SPRED1: variants seen among roughly 807,000 people sequenced by gnomAD.
SPRED1 encodes sprouty-related, EVH1 domain-containing protein 1.
A neutral mutation model predicts 52.3 loss-of-function variants in SPRED1; 18 were observed. The observed-to-expected ratio is 0.34, with a 90% CI of 0.24 to 0.51. SPRED1 has a LOEUF of 0.51. Ranked by LOEUF, SPRED1 falls within the 20% of genes least tolerant of loss-of-function variation. The pLI, the probability that SPRED1 is intolerant of heterozygous loss-of-function variation, is 0.97. For synonymous variants in SPRED1, 155 were observed against 179.7 expected (o/e 0.86, Z 1.10); for missense variants, 485 against 551.0 (o/e 0.88, Z 1.20).
In SPRED1 at chr15:38,325,985, A is replaced by G. The variant is rs1217920145; in HGVS notation, c.423+1176A>G. ...TGAAAATGGAGTGCTGCTGTAACAA[A>G]TACTAAAACATGGGAATGACTTTGG... is the stretch of plus-strand genomic sequence containing the variant. On this transcript the variant is annotated intron_variant, in intron 4 of 6. Coordinates refer to ENST00000299084, the MANE Select transcript of SPRED1 (RefSeq NM_152594.3). 3.3e-5 allele frequency: 5 copies of G among 152,240 alleles called. No individual in the cohort carries two copies. In the East Asian group the frequency reaches 7.7e-4, roughly 23 times the overall value. 9.4% of individuals were successfully genotyped at this position (152,240 alleles called of 1,614,324 possible).
At chr15:38,340,967 A>G (rs1024296767) in intron 5 of SPRED1, among the ~76,000 whole-genome samples, 10 of 146,860 alleles carry the variant, frequency 6.8e-5, no homozygotes, top group African/African-American at 2.2e-4. Context: ...GTTTGGTAGA[A>G]TTCCTTAGTG....
rs530100059 is a variant in SPRED1, at chr15:38,310,163, G to A, written c.207+10616G>A. 2.9e-4 allele frequency among the ~76,000 whole-genome samples: 40 copies of A among 139,732 alleles called. 1 individual carries two copies. Among genetic ancestry groups the A allele is most frequent in the Non-Finnish European group, 3.8e-4 (24 of 63,024 alleles). The allele number at this position is 139,732 out of a possible 152,430, so 91.7% of individuals were successfully genotyped here. On this transcript the variant is annotated intron_variant, in intron 2 of 6. Transcript: ENST00000299084. ...TGTGTGTGTGTGTGTGTTTGGAGAC[G>A]AAGTTTCGCTCTTGTTGCCCATACT...
At chr15:38,269,889 G>C (rs1332745848) in intron 1 of SPRED1, among the ~76,000 whole-genome samples, 1 of 147,966 alleles carries the variant, frequency 6.8e-6, no homozygotes, top group Admixed American at 6.9e-5. Context: ...CACAAATCTG[G>C]AGCATTTCTT....
chr15:38,315,367 T>C (rs1401331431), intron 2 of SPRED1, among the ~76,000 whole-genome samples: 1 of 151,910 alleles, frequency 6.6e-6, no homozygotes, highest in Non-Finnish European at 1.5e-5. Context: ...AATTTAAAAG[T>C]ATATATTTAA....
At chr15:38,313,302 A>G (rs183399083) in intron 2 of SPRED1, among the ~76,000 whole-genome samples, 2 of 152,134 alleles carry the variant, frequency 1.3e-5, no homozygotes, top group East Asian at 3.9e-4. Flanking sequence ...ATAGCTCTTT[A>G]GTCTTCTGTA....
At chr15:38,273,136 T>C (rs1417857169) in intron 1 of SPRED1, among the ~76,000 whole-genome samples, 1 of 152,226 alleles carries the variant, frequency 6.6e-6, no homozygotes, top group African/African-American at 2.4e-5. Context: ...TAGGTTTTCT[T>C]CTACGATTCT....
intron 4 of SPRED1, among the ~76,000 whole-genome samples, chr15:38,337,972 G>A (rs924544420): frequency 8.0e-5 from 12 of 149,860 alleles, no homozygotes; most frequent in African/African-American, 2.7e-4. Context: ...AGGCCGAGGC[G>A]GGTGGATCAC....
intron 1 of SPRED1, among the ~76,000 whole-genome samples, chr15:38,262,395 A>G (rs1379175831): frequency 1.3e-5 from 2 of 152,220 alleles, no homozygotes; most frequent in Non-Finnish European, 2.9e-5. Flanking sequence ...AGTTGGTGGC[A>G]GGATGGTGAC....
At position 38,252,961 on chromosome 15, in the gene SPRED1, G is replaced by A; in HGVS notation, c.-225G>A. On this transcript the variant is annotated 5_prime_UTR_variant, in exon 1 of 7. Coordinates refer to ENST00000299084, the MANE Select transcript of SPRED1 (RefSeq NM_152594.3). The stretch of plus-strand genomic sequence containing the variant: ...GGGCACTGAGGCGGGGGAAGAGGCT[G>A]GGGTCGCCACGGCGGAGGTTGCTGC... The A allele has an allele frequency of 1.7e-6, 1 of 598,440 alleles. No homozygotes were observed. The highest frequency in any genetic ancestry group is 3.0e-6 in the Non-Finnish European group (1 of 337,382). 37.1% of individuals were successfully genotyped at this position (598,440 alleles called of 1,614,324 possible). A position where few individuals can be genotyped will look rare whatever the true frequency, so the allele number is the denominator to read the frequency against.
chr15:38,340,688 A>G (rs562479280), intron 5 of SPRED1, among the ~76,000 whole-genome samples: 2 of 152,102 alleles, frequency 1.3e-5, no homozygotes, highest in East Asian at 3.9e-4. Flanking sequence ...ACCTGCCACC[A>G]CACGTGGCTA....
rs1894013651 is a variant in SPRED1, at chr15:38,253,091, C to G, written c.-95C>G. The G allele has an allele frequency of 1.1e-5, 12 of 1,138,512 alleles. No homozygotes were observed. The highest frequency in any genetic ancestry group is 2.6e-5 in the East Asian group (1 of 39,042). 70.5% of individuals were successfully genotyped at this position (1,138,512 alleles called of 1,614,324 possible). On this transcript the variant is annotated 5_prime_UTR_variant, in exon 1 of 7. Coordinates refer to ENST00000299084, the MANE Select transcript of SPRED1 (RefSeq NM_152594.3). ...CCCTGTGCCGCTGCCCCCGCGCCCC[C>G]CCGGCCGCCGCTGCCTCCTGCCCCT...
chr15:38,272,276 G>T (rs1894451262), intron 1 of SPRED1, among the ~76,000 whole-genome samples: 2 of 131,488 alleles, frequency 1.5e-5, no homozygotes, highest in South Asian at 2.4e-4. Flanking sequence ...CGAATGCTAG[G>T]TTTTTTTTTT....
intron 3 of SPRED1, among the ~76,000 whole-genome samples, chr15:38,322,761 C>G (rs1895631015): frequency 6.6e-6 from 1 of 152,088 alleles, no homozygotes; most frequent in Non-Finnish European, 1.5e-5. Context: ...ATGTATGACA[C>G]CAGTCACATC....
intron 1 of SPRED1, among the ~76,000 whole-genome samples, chr15:38,261,795 T>C (rs1894210603): frequency 6.6e-6 from 1 of 152,204 alleles, no homozygotes; most frequent in Non-Finnish European, 1.5e-5. Flanking sequence ...ACATTTTGCT[T>C]GAGCTGTTCA....
Position 38,336,277 on chromosome 15 carries a change from C to T in SPRED1, c.424-3460C>T, listed in dbSNP as rs531297483. ...TCTACCTAAAGGAAAAGAAGTCATA[C>T]GAAAAAGTTTCTTGCATATGCATGC... On this transcript the variant is annotated intron_variant, in intron 4 of 6. Transcript: ENST00000299084. Among the ~76,000 whole-genome samples, 34 of 150,748 alleles carry T rather than the reference C, an allele frequency of 2.3e-4. No individual in the cohort carries two copies. In the South Asian group the frequency reaches 5.7e-3, roughly 25 times the overall value.
intron 2 of SPRED1, among the ~76,000 whole-genome samples, chr15:38,302,625 C>T (rs949530280): frequency 6.6e-6 from 1 of 152,102 alleles, no homozygotes; most frequent in Non-Finnish European, 1.5e-5. Context: ...AGCTTTCCAA[C>T]CTGTGTGCCA....
At chr15:38,299,836 T>A (rs1371286639) in intron 2 of SPRED1, among the ~76,000 whole-genome samples, 1 of 152,158 alleles carries the variant, frequency 6.6e-6, no homozygotes, top group African/African-American at 2.4e-5. Context: ...CCTTCCCTTC[T>A]CTCAGCTATT....
intron 4 of SPRED1, among the ~76,000 whole-genome samples, chr15:38,329,554 A>C (rs1270948224): frequency 3.9e-5 from 6 of 152,200 alleles, no homozygotes; most frequent in African/African-American, 1.4e-4. Context: ...AACAGTTTTC[A>C]GAAAGCCCTG....
chr15:38,336,919 CA>C (rs1389589033), intron 4 of SPRED1, among the ~76,000 whole-genome samples: 2 of 151,772 alleles, frequency 1.3e-5, no homozygotes, highest in Non-Finnish European at 2.9e-5. Flanking sequence ...ACCTGTTCCC[CA>C]AAAAAACTAG....
Sources: allele counts gnomAD v4.1 joint callset (sites outside exome capture counted in the v4.1 genomes callset), GRCh38; gene constraint gnomAD v4.1.1; transcripts MANE v1.5; gene names NCBI Gene and HGNC (gene_info 2026-07-23, HGNC 2026-07-21).